Variants in FRMD4A observed in about 807,000 individuals in gnomAD.
The protein encoded by FRMD4A is FERM domain-containing protein 4A.
In FRMD4A, 29 loss-of-function variants were observed where a neutral mutation model predicts 129.1. That is an observed-to-expected ratio of 0.22 (90% CI 0.17 to 0.31). The LOEUF is 0.31. Among genes scored for constraint, FRMD4A ranks in the 10% least tolerant of loss-of-function variants. The pLI is 1.00. For missense variants in FRMD4A, 1,272 were observed against 1,375.8 expected, an observed-to-expected ratio of 0.92 and a Z score of 1.19; for synonymous variants, 634 against 571.6, an observed-to-expected ratio of 1.11 and a Z score of -1.56.
intron 15 of FRMD4A, chr10:13,675,843 A>G (rs955375312): frequency 6.6e-6 from 1 of 152,182 alleles, no homozygotes; most frequent in African/African-American, 2.4e-5. Context: ...TCACCCAGAA[A>G]TAACCATTGC....
At chr10:13,739,625 G>A (rs893632749) in intron 11 of FRMD4A, among the ~76,000 whole-genome samples, 1 of 152,230 alleles carries the variant, frequency 6.6e-6, no homozygotes, top group Admixed American at 6.5e-5. Flanking sequence ...TTGGAAGGCA[G>A]AAAGCATATA....
At chr10:14,039,399 CATCCATCCATCT>C (rs1266182292) in intron 2 of FRMD4A, among the ~76,000 whole-genome samples, 3 of 143,124 alleles carry the variant, frequency 2.1e-5, no homozygotes, top group African/African-American at 8.8e-5. Context: ...TCCATCCATC[CATCCATCCATCT>C]ATCTATCTAT....
At chr10:13,941,899 G>A (rs1159703155) in intron 2 of FRMD4A, among the ~76,000 whole-genome samples, 2 of 152,084 alleles carry the variant, frequency 1.3e-5, no homozygotes, top group African/African-American at 4.8e-5. Context: ...CTACTATATT[G>A]GTAAGATCTG....
intron 9 of FRMD4A, among the ~76,000 whole-genome samples, chr10:13,745,216 T>C (rs950335983): frequency 6.6e-6 from 1 of 152,168 alleles, no homozygotes; most frequent in African/African-American, 2.4e-5. Context: ...AGAATCAAAG[T>C]CCATATAAAT....
At chr10:14,298,638 C>T (rs1262735579) in intron 2 of FRMD4A, among the ~76,000 whole-genome samples, 1 of 152,198 alleles carries the variant, frequency 6.6e-6, no homozygotes, top group African/African-American at 2.4e-5. Flanking sequence ...CTCTGCATAA[C>T]ACCCTTGTCT....
intron 5 of FRMD4A, among the ~76,000 whole-genome samples, chr10:13,787,397 A>G (rs1439109334): frequency 1.3e-5 from 2 of 152,212 alleles, no homozygotes; most frequent in African/African-American, 2.4e-5. Context: ...CGGTGGCACC[A>G]GGGACAAGAG....
intron 2 of FRMD4A, among the ~76,000 whole-genome samples, chr10:14,213,046 T>G (rs1224653028): frequency 6.6e-6 from 1 of 151,990 alleles, no homozygotes; most frequent in East Asian, 1.9e-4. Flanking sequence ...AAACCAGCTG[T>G]GGCAACGTAG....
Position 13,666,915 on chromosome 10 carries a change from T to C in FRMD4A, c.1375-590A>G, listed in dbSNP as rs935794896. ...CGGGAGCTTTTCTTTTCTTTTCTTT[T>C]TTTTTTTTTTTTTTTGAGATGGATC... On this transcript the variant is annotated intron_variant, in intron 17 of 24. Coordinates refer to ENST00000357447, the MANE Select transcript of FRMD4A (RefSeq NM_018027.5). Among the ~76,000 whole-genome samples, 8 of 118,538 alleles carry C rather than the reference T, an allele frequency of 6.7e-5. 1 individual carries two copies. The East Asian group carries it at 8.0e-4, about 12-fold the overall frequency. 77.8% of individuals were successfully genotyped at this position (118,538 alleles called of 152,430 possible).
chr10:14,020,482 T>C (rs1353165520), intron 2 of FRMD4A, among the ~76,000 whole-genome samples: 2 of 152,104 alleles, frequency 1.3e-5, no homozygotes, highest in East Asian at 3.8e-4. Flanking sequence ...AAATATTCTT[T>C]CTAGACCATC....
At chr10:14,280,407 A>C (rs1048831267) in intron 2 of FRMD4A, among the ~76,000 whole-genome samples, 4 of 151,996 alleles carry the variant, frequency 2.6e-5, no homozygotes, top group African/African-American at 9.7e-5. Context: ...CAGCCCCCTG[A>C]TTAGCTGGGA....
intron 8 of FRMD4A, among the ~76,000 whole-genome samples, chr10:13,755,694 T>C (rs1256499457): frequency 6.6e-6 from 1 of 152,258 alleles, no homozygotes; most frequent in Non-Finnish European, 1.5e-5. Flanking sequence ...TTTCATTTTT[T>C]GTTTTAAAGA....
chr10:13,815,809 G>T (rs1307089358), intron 3 of FRMD4A, among the ~76,000 whole-genome samples: 2 of 152,154 alleles, frequency 1.3e-5, no homozygotes, highest in African/African-American at 4.8e-5. Flanking sequence ...CCCTGAGAAT[G>T]AAAAATCAGG....
At chr10:14,156,318 A>C (rs963811745) in intron 2 of FRMD4A, among the ~76,000 whole-genome samples, 3 of 152,206 alleles carry the variant, frequency 2.0e-5, no homozygotes, top group African/African-American at 7.2e-5. Context: ...TTACAATAAT[A>C]CACACCCATT....
intron 2 of FRMD4A, among the ~76,000 whole-genome samples, chr10:14,258,420 C>A (rs1262870191): frequency 6.6e-6 from 1 of 151,286 alleles, no homozygotes; most frequent in Non-Finnish European, 1.5e-5. Context: ...AAAGCAGATA[C>A]AAGGATGGCA....
intron 2 of FRMD4A, among the ~76,000 whole-genome samples, chr10:14,194,306 A>T (rs1228610802): frequency 2.0e-5 from 3 of 152,126 alleles, no homozygotes; most frequent in African/African-American, 7.2e-5. Flanking sequence ...TTGTGGGGAA[A>T]GGGTATTAAA....
intron 2 of FRMD4A, among the ~76,000 whole-genome samples, chr10:14,327,840 C>T (rs186110728): frequency 6.6e-6 from 1 of 152,228 alleles, no homozygotes; most frequent in Admixed American, 6.5e-5. Context: ...AGCAGACACG[C>T]GATAAATACT....
At chr10:13,773,450 CAAGGAACTATCA>C (rs1197301468) in intron 6 of FRMD4A, among the ~76,000 whole-genome samples, 1 of 152,206 alleles carries the variant, frequency 6.6e-6, no homozygotes, top group Non-Finnish European at 1.5e-5. Flanking sequence ...TAACCTCAAT[CAAGGAACTATCA>C]AAGTACTTCT....
chr10:13,659,671 C>A (rs2274352), intron 20 of FRMD4A, among the ~76,000 whole-genome samples, 181 bp from the exon 21 acceptor site: 1 of 151,952 alleles, frequency 6.6e-6, no homozygotes, highest in Non-Finnish European at 1.5e-5. Flanking sequence ...TGCCCTCCCC[C>A]CTCCCAACCT....
intron 4 of FRMD4A, among the ~76,000 whole-genome samples, chr10:13,806,004 T>G (rs12267949): frequency 0.012 from 1,869 of 152,234 alleles, 45 homozygotes; most frequent in African/African-American, 0.042. Flanking sequence ...ATTACAAGCA[T>G]GTACTACCAC....
Sources: allele counts gnomAD v4.1 joint callset (sites outside exome capture counted in the v4.1 genomes callset), GRCh38; gene constraint gnomAD v4.1.1; transcripts MANE v1.5; gene names NCBI Gene and HGNC (gene_info 2026-07-23, HGNC 2026-07-21).